The following ZNF385D variants were observed in gnomAD, a reference collection of about 807,000 sequenced individuals.
ZNF385D encodes zinc finger protein 385D.
A neutral mutation model predicts 35.8 loss-of-function variants in ZNF385D; 15 were observed. That is an observed-to-expected ratio of 0.42 (90% CI 0.28 to 0.64). The LOEUF is 0.64. Among genes scored for constraint, ZNF385D ranks in the 30% least tolerant of loss-of-function variants. ZNF385D has a pLI of 0.23. For synonymous variants in ZNF385D, 212 were observed against 186.8 expected, an observed-to-expected ratio of 1.13 and a Z score of -1.10; for missense variants, 474 against 494.6, an observed-to-expected ratio of 0.96 and a Z score of 0.39.
At chr3:22,047,039 A>G (rs905268018) in intron 3 of ZNF385D, among the ~76,000 whole-genome samples, 5 of 152,176 alleles carry the variant, frequency 3.3e-5, no homozygotes, top group African/African-American at 1.2e-4. Flanking sequence ...AAGATAAATT[A>G]TACCAGTAAC....
chr3:22,062,168 G>A (rs573792851), intron 3 of ZNF385D, among the ~76,000 whole-genome samples: 5 of 152,154 alleles, frequency 3.3e-5, no homozygotes, highest in East Asian at 3.9e-4. Flanking sequence ...CTCCCAAATA[G>A]CTGGGACTAC....
At chr3:21,699,667 C>T (rs2067600477) in intron 1 of ZNF385D, among the ~76,000 whole-genome samples, 1 of 151,858 alleles carries the variant, frequency 6.6e-6, no homozygotes, top group Admixed American at 6.6e-5. Context: ...GAATAGCTTA[C>T]ATTGATAATG....
chr3:22,318,137 T>C (rs1342537875), intron 2 of ZNF385D, among the ~76,000 whole-genome samples: 1 of 152,166 alleles, frequency 6.6e-6, no homozygotes, highest in Non-Finnish European at 1.5e-5. Context: ...TAATATTTTT[T>C]AATGTAAGGC....
chr3:21,459,787 A>C (rs959825294), intron 4 of ZNF385D, among the ~76,000 whole-genome samples: 1 of 152,220 alleles, frequency 6.6e-6, no homozygotes, highest in African/African-American at 2.4e-5. Flanking sequence ...AGAGAGATGG[A>C]ATATTTGCTT....
rs184692514 is a variant in ZNF385D, at chr3:21,657,477, C to T, written c.165+7409G>A. ...AGCAAACATGCTTAGATATCTGCTT[C>T]AGTGTGAAACGTATAATGAAAGAAG... On this transcript the variant is annotated intron_variant, in intron 2 of 7. Coordinates refer to ENST00000281523, the MANE Select transcript of ZNF385D (RefSeq NM_024697.3). 5.7e-4 allele frequency among the ~76,000 whole-genome samples: 86 copies of T among 151,998 alleles called. 5 individuals carry two copies. In the East Asian group the frequency reaches 0.017, roughly 29 times the overall value.
At chr3:21,745,880 G>A (rs1443942257) in intron 1 of ZNF385D, among the ~76,000 whole-genome samples, 1 of 152,126 alleles carries the variant, frequency 6.6e-6, no homozygotes, top group Non-Finnish European at 1.5e-5. Flanking sequence ...GTATATAATG[G>A]TTGCTAAACT....
At chr3:22,042,305 A>C (rs777481738) in intron 3 of ZNF385D, among the ~76,000 whole-genome samples, 6 of 152,240 alleles carry the variant, frequency 3.9e-5, no homozygotes, top group Admixed American at 1.3e-4. Context: ...CCCACAAGGA[A>C]CTTAGATTAG....
chr3:21,567,515 A>G (rs932583781), intron 2 of ZNF385D, among the ~76,000 whole-genome samples: 1 of 152,140 alleles, frequency 6.6e-6, no homozygotes, highest in African/African-American at 2.4e-5. Flanking sequence ...TATCACATCT[A>G]TAAAAACAAC....
intron 2 of ZNF385D, among the ~76,000 whole-genome samples, chr3:22,187,985 G>C (rs1695752699): frequency 6.6e-6 from 1 of 152,140 alleles, no homozygotes; most frequent in Non-Finnish European, 1.5e-5. Context: ...TTAAGTAAGT[G>C]GGTCTAGAAA....
intron 3 of ZNF385D, among the ~76,000 whole-genome samples, chr3:21,890,517 G>T (rs1698794874): frequency 1.3e-5 from 2 of 152,134 alleles, no homozygotes; most frequent in African/African-American, 4.8e-5. Context: ...TACTCAGGAG[G>T]CTGAGGCAGG....
At chr3:21,763,886 A>G (rs2070721561) in intron 3 of ZNF385D, among the ~76,000 whole-genome samples, 1 of 152,192 alleles carries the variant, frequency 6.6e-6, no homozygotes, top group Admixed American at 6.5e-5. Context: ...ATTCTAACAT[A>G]TAGTCATTGA....
At chr3:22,351,626 G>A (rs998476450) in intron 2 of ZNF385D, among the ~76,000 whole-genome samples, 1 of 152,078 alleles carries the variant, frequency 6.6e-6, no homozygotes, top group Non-Finnish European at 1.5e-5. Context: ...TCTGTATAAT[G>A]AGAGTAAGCT....
chr3:21,698,462 G>T (rs1002276830), intron 1 of ZNF385D, among the ~76,000 whole-genome samples: 7 of 152,076 alleles, frequency 4.6e-5, no homozygotes, highest in Non-Finnish European at 1.0e-4. Flanking sequence ...AAAACAAGGA[G>T]GCTGAGAAGG....
At chr3:22,173,126 AC>A (rs1694579890) in intron 2 of ZNF385D, among the ~76,000 whole-genome samples, 1 of 152,232 alleles carries the variant, frequency 6.6e-6, no homozygotes, top group Non-Finnish European at 1.5e-5. Flanking sequence ...GGAACAGTAT[AC>A]AAAATACCTG....
At chr3:22,334,072 T>G (rs556117682) in intron 2 of ZNF385D, among the ~76,000 whole-genome samples, 2 of 152,212 alleles carry the variant, frequency 1.3e-5, no homozygotes, top group African/African-American at 4.8e-5. Flanking sequence ...CTTTTAAATT[T>G]TATGCGTTCA....
intron 2 of ZNF385D, among the ~76,000 whole-genome samples, chr3:22,247,492 A>G: frequency 6.6e-6 from 1 of 152,190 alleles, no homozygotes; most frequent in Non-Finnish European, 1.5e-5. Context: ...TTTGATGAAG[A>G]TATGTTAGAA....
At chr3:21,647,812 T>C (rs1005493170) in intron 2 of ZNF385D, among the ~76,000 whole-genome samples, 1 of 152,230 alleles carries the variant, frequency 6.6e-6, no homozygotes, top group African/African-American at 2.4e-5. Context: ...TATAATATTA[T>C]ATGTCATCTA....
At chr3:21,685,295 T>C (rs1188365358) in intron 1 of ZNF385D, among the ~76,000 whole-genome samples, 2 of 152,158 alleles carry the variant, frequency 1.3e-5, no homozygotes, top group African/African-American at 4.8e-5. Flanking sequence ...TTTGGAAACA[T>C]TACTTGCCTT....
intron 3 of ZNF385D, among the ~76,000 whole-genome samples, chr3:22,008,445 C>A (rs557822019): frequency 1.3e-5 from 2 of 149,478 alleles, no homozygotes; most frequent in African/African-American, 2.5e-5. Context: ...CTCCGCCCCC[C>A]GGAGTTCACA....
Sources: allele counts gnomAD v4.1 joint callset (sites outside exome capture counted in the v4.1 genomes callset), GRCh38; gene constraint gnomAD v4.1.1; transcripts MANE v1.5; gene names NCBI Gene and HGNC (gene_info 2026-07-23, HGNC 2026-07-21).